Variants in MAP7 observed in about 807,000 individuals in gnomAD.
MAP7 encodes microtubule associated protein 7, also known as ensconsin.
Under a neutral mutation model 94.8 loss-of-function variants are expected in MAP7, and 52 were observed. The observed-to-expected ratio is 0.55, with a 90% confidence interval of 0.44 to 0.69. MAP7 has a LOEUF of 0.69. Among genes scored for constraint, MAP7 ranks in the 30% least tolerant of loss-of-function variants. The probability of loss-of-function intolerance (pLI) is 0.00; values close to 1 mark genes in which losing one functional copy is unlikely to be tolerated. For missense variants in MAP7, 940 were observed against 964.6 expected, an observed-to-expected ratio of 0.97 and a Z score of 0.34; for synonymous variants, 350 against 357.0, an observed-to-expected ratio of 0.98 and a Z score of 0.22.
intron 2 of MAP7, among the ~76,000 whole-genome samples, 193 bp downstream of exon 2, chr6:136,421,508 G>A (rs1355373288): frequency 6.6e-6 from 1 of 152,232 alleles, no homozygotes; most frequent in African/African-American, 2.4e-5. Flanking sequence ...TTGGCTTTGA[G>A]AGGTTCTCTG....
chr6:136,390,757 T>C (rs1562345042), intron 3 of MAP7, among the ~76,000 whole-genome samples: 1 of 152,236 alleles, frequency 6.6e-6, no homozygotes, highest in Non-Finnish European at 1.5e-5. Flanking sequence ...TCTGATACCA[T>C]TAAATCTTTC....
intron 1 of MAP7, among the ~76,000 whole-genome samples, chr6:136,467,251 T>C (rs1159913785): frequency 6.6e-6 from 1 of 152,224 alleles, no homozygotes; most frequent in Non-Finnish European, 1.5e-5. Flanking sequence ...TCTTTGGGCT[T>C]CCTGATGCAT....
chr6:136,352,187 C>T (rs1789422758), intron 16 of MAP7, among the ~76,000 whole-genome samples: 2 of 117,458 alleles, frequency 1.7e-5, no homozygotes, highest in Admixed American at 1.1e-4. Flanking sequence ...ATCTGCTATT[C>T]GTATTTTTTT....
At chr6:136,364,258 C>T (rs1793660339) in intron 10 of MAP7, 1 of 542,038 alleles carries the variant, frequency 1.8e-6, no homozygotes, top group Middle Eastern at 6.3e-4. Context: ...AATGTTGAAC[C>T]TTTTTGGACT....
At chr6:136,352,331 G>A (rs1172638342) in intron 16 of MAP7, among the ~76,000 whole-genome samples, 1 of 151,994 alleles carries the variant, frequency 6.6e-6, no homozygotes, top group Non-Finnish European at 1.5e-5. Context: ...GGGACGATAG[G>A]TGTACGCCAC....
At chr6:136,344,541 C>T (rs990481128) in intron 17 of MAP7, among the ~76,000 whole-genome samples, 1 of 152,164 alleles carries the variant, frequency 6.6e-6, no homozygotes, top group African/African-American at 2.4e-5. Flanking sequence ...CTTGTATCCT[C>T]AGTATCTGAT....
chr6:136,471,138 G>A (rs1049176504), intron 1 of MAP7, among the ~76,000 whole-genome samples: 1 of 152,172 alleles, frequency 6.6e-6, no homozygotes, highest in African/African-American at 2.4e-5. Context: ...TTATAAAGAA[G>A]TTTGTGCTTT....
chr6:136,543,349 A>G (rs1829477372), intron 1 of MAP7, among the ~76,000 whole-genome samples: 1 of 152,200 alleles, frequency 6.6e-6, no homozygotes, highest in Admixed American at 6.5e-5. Context: ...TTCAGACTCA[A>G]AAGGTTACAC....
intron 1 of MAP7, among the ~76,000 whole-genome samples, chr6:136,520,025 C>T (rs1825928761): frequency 6.6e-6 from 1 of 151,566 alleles, no homozygotes; most frequent in South Asian, 2.1e-4. Flanking sequence ...AAAGTGAGAC[C>T]CCACCTCTAC....
At chr6:136,487,733 T>G (rs1354747579) in intron 1 of MAP7, among the ~76,000 whole-genome samples, 4 of 152,116 alleles carry the variant, frequency 2.6e-5, no homozygotes, top group Non-Finnish European at 5.9e-5. Context: ...AAATTGTATT[T>G]CTTTTCTCAT....
chr6:136,505,251 A>ATG (rs67294964), intron 1 of MAP7, among the ~76,000 whole-genome samples: 1,061 of 87,320 alleles, frequency 0.012, 52 homozygotes, highest in African/African-American at 0.037. Context: ...TTTCCATGTA[A>ATG]TGTGTGTGTG....
chr6:136,476,618 A>C (rs754423047), intron 1 of MAP7, among the ~76,000 whole-genome samples: 5 of 152,234 alleles, frequency 3.3e-5, no homozygotes, highest in Non-Finnish European at 7.3e-5. Context: ...TCGTATGACT[A>C]GTGAATGGAT....
chr6:136,427,832 A>G (rs375667850), intron 1 of MAP7, among the ~76,000 whole-genome samples: 3 of 152,238 alleles, frequency 2.0e-5, no homozygotes, highest in Admixed American at 6.5e-5. Context: ...AGGCTTTACA[A>G]TTTGGAGTAG....
At chr6:136,543,882 TA>T (rs1187198945) in intron 1 of MAP7, among the ~76,000 whole-genome samples, 1 of 151,830 alleles carries the variant, frequency 6.6e-6, no homozygotes, top group Non-Finnish European at 1.5e-5. Flanking sequence ...TCAACAAAAC[TA>T]AAAAAAGAAA....
At chr6:136,469,681 T>C (rs1020324350) in intron 1 of MAP7, among the ~76,000 whole-genome samples, 5 of 152,154 alleles carry the variant, frequency 3.3e-5, no homozygotes, top group African/African-American at 1.2e-4. Context: ...CCACTGCTCC[T>C]GGCTTGGTTT....
At chr6:136,354,706 T>C (rs1160902871) in intron 16 of MAP7, among the ~76,000 whole-genome samples, 1 of 152,044 alleles carries the variant, frequency 6.6e-6, no homozygotes. Context: ...TGGGTAAAGA[T>C]GGATGACACC....
intron 1 of MAP7, among the ~76,000 whole-genome samples, chr6:136,533,336 T>A: frequency 6.6e-6 from 1 of 152,154 alleles, no homozygotes; most frequent in East Asian, 1.9e-4. Context: ...ATGAGCCAAT[T>A]TGTTATAGGT....
chr6:136,388,400 G>A lies in MAP7; in HGVS notation c.519C>T (p.His173=). 2 of 1,613,326 alleles carry A rather than the reference G, an allele frequency of 1.2e-6. No homozygotes were observed. Among genetic ancestry groups the A allele is most frequent in the Non-Finnish European group, 1.7e-6 (2 of 1,179,366 alleles). ...GGSLHGSPSI[H]SADPDRRSVS... is the part of the protein sequence containing the mutation. The stretch of plus-strand genomic sequence containing the variant: ...AAAGTGGTCACTGTTTACCTGCACT[G>A]TGGATGCTAGGGCTCCCATGGAGAG... Residue 173 remains histidine, a synonymous_variant, in exon 5 of 18, where the codon CAC becomes CAT. Coordinates refer to ENST00000354570, the MANE Select transcript of MAP7 (RefSeq NM_003980.6).
chr6:136,398,713 T>C (rs967136443), intron 3 of MAP7, among the ~76,000 whole-genome samples: 3 of 152,232 alleles, frequency 2.0e-5, no homozygotes, highest in African/African-American at 7.2e-5. Context: ...TGAGGTCTCC[T>C]CAGCCACGTG....
Sources: gnomAD v4.1 joint callset for allele counts (sites outside exome capture counted in the v4.1 genomes callset) on GRCh38, gnomAD v4.1.1 for gene constraint, MANE v1.5 for transcripts, NCBI Gene and HGNC (gene_info 2026-07-23, HGNC 2026-07-21) for gene names.